Variants in AK5 observed in about 807,000 individuals in gnomAD.
The protein encoded by AK5 is adenylate kinase 5.
In AK5, 27 loss-of-function variants were observed where a neutral mutation model predicts 69.5. The observed-to-expected ratio is 0.39, with a 90% CI of 0.29 to 0.54. The LOEUF (loss-of-function observed/expected upper bound fraction) is 0.54, where lower values mean the gene tolerates loss of function less well. Among genes scored for constraint, AK5 ranks in the 20% least tolerant of loss-of-function variants. AK5 has a pLI of 0.71. For missense variants in AK5, 531 were observed against 700.4 expected, an observed-to-expected ratio of 0.76 and a Z score of 2.73; for synonymous variants, 260 against 244.4, an observed-to-expected ratio of 1.06 and a Z score of -0.60.
chr1:77,294,397 A>ACT (rs35836390), intron 3 of AK5, among the ~76,000 whole-genome samples: 125,709 of 151,830 alleles, frequency 0.83, 52,263 homozygotes, highest in South Asian at 0.9. Flanking sequence ...ACCTAGTGAG[A>ACT]CTATTTCTAG....
chr1:77,476,380 A>T (rs1654936519), intron 8 of AK5, among the ~76,000 whole-genome samples: 1 of 152,202 alleles, frequency 6.6e-6, no homozygotes, highest in South Asian at 2.1e-4. Flanking sequence ...CCCTGGTGAT[A>T]AAATGTACTT....
chr1:77,465,403 T>C, intron 8 of AK5, among the ~76,000 whole-genome samples: 1 of 152,232 alleles, frequency 6.6e-6, no homozygotes, highest in East Asian at 1.9e-4. Flanking sequence ...CTACAGTTTC[T>C]CTTGAGCTTA....
At chr1:77,367,923 ATATATTATATATAATATATATGT>A (rs1307526444) in intron 6 of AK5, among the ~76,000 whole-genome samples, 1,117 of 53,364 alleles carry the variant, frequency 0.021, 20 homozygotes, top group Non-Finnish European at 0.026. Flanking sequence ...TATATGTGAT[ATATATTATATATAATATATATGT>A]TATATATATA....
intron 3 of AK5, 146 bp from the exon 4 acceptor site, chr1:77,297,413 G>A (rs1659073706): frequency 8.0e-6 from 5 of 623,524 alleles, no homozygotes. Context: ...TACATTCAAA[G>A]GCAGCACTGA....
chr1:77,423,042 T>C (rs1040499804), intron 8 of AK5, among the ~76,000 whole-genome samples: 6 of 151,816 alleles, frequency 4.0e-5, no homozygotes, highest in African/African-American at 1.2e-4. Context: ...GGTGAAACCT[T>C]GTCTCTACTA....
intron 8 of AK5, among the ~76,000 whole-genome samples, chr1:77,439,212 A>G (rs1652154478): frequency 6.6e-6 from 1 of 152,214 alleles, no homozygotes; most frequent in South Asian, 2.1e-4. Context: ...CATTTGCTGT[A>G]GTAATCTATG....
rs1557626031 is a variant in AK5 at position 77,483,352 on chromosome 1, TA to T, written c.1096del (p.Met366TrpfsTer8). The T allele has an allele frequency of 6.2e-7, 1 of 1,612,506 alleles. No homozygotes were observed. The highest frequency in any genetic ancestry group is 8.5e-7 in the Non-Finnish European group (1 of 1,178,560). ...DQLNVFGEDT[M>X]GGFMEDLRKC... ...AGTTAAATGTATTTGGAGAGGACAC[TA>T]TGGGAGGTGAGTTTTCCTTACTGAT... On this transcript the variant is annotated frameshift_variant, in exon 9 of 14. Coordinates refer to ENST00000354567, the MANE Select transcript of AK5 (RefSeq NM_174858.3). LOFTEE classifies it high-confidence loss of function.
chr1:77,429,345 A>G (rs553062024), intron 8 of AK5, among the ~76,000 whole-genome samples: 4 of 152,250 alleles, frequency 2.6e-5, no homozygotes, highest in African/African-American at 9.6e-5. Context: ...CATTTCTCCA[A>G]TGGCCAGTGA....
chr1:77,351,684 C>T (rs1275047103), intron 6 of AK5, among the ~76,000 whole-genome samples: 1 of 152,088 alleles, frequency 6.6e-6, no homozygotes, highest in East Asian at 1.9e-4. Flanking sequence ...CCATAAACCC[C>T]CTCTCCCTCC....
chr1:77,295,009 C>T (rs567361592), intron 3 of AK5, among the ~76,000 whole-genome samples: 60 of 151,998 alleles, frequency 3.9e-4, no homozygotes, highest in Admixed American at 9.8e-4. Context: ...GACAGAGAGA[C>T]CTCATCTCAA....
Position 77,387,539 on chromosome 1 carries a change from C to T in AK5, c.892-23442C>T, listed in dbSNP as rs764284329. ...TTTTAGCTTACATTTAGAGCATCTT[C>T]GTGACATAAATACAATTCCCATTAG... On this transcript the variant is annotated intron_variant, in intron 6 of 13. Transcript: ENST00000354567. Among the ~76,000 whole-genome samples, 16 of 152,250 alleles carry T rather than the reference C, an allele frequency of 1.1e-4. No individual in the cohort carries two copies. In the Middle Eastern group the frequency reaches 0.01, roughly 97 times the overall value.
chr1:77,402,586 A>G lies in AK5; in HGVS notation c.892-8395A>G, dbSNP rs540449826. ...TTGCGATAGTTTGCTGAGAATGATG[A>G]TTTCCAGCTTCATCCATGTCCCTAC... On this transcript the variant is annotated intron_variant, in intron 6 of 13. Coordinates refer to ENST00000354567, the MANE Select transcript of AK5 (RefSeq NM_174858.3). 3.1e-3 allele frequency among the ~76,000 whole-genome samples: 464 copies of G among 151,340 alleles called. 3 individuals carry two copies. The highest frequency in any genetic ancestry group is 0.011 in the African/African-American group (443 of 41,294).
intron 8 of AK5, among the ~76,000 whole-genome samples, chr1:77,461,781 AAAAG>A (rs1202013590): frequency 6.6e-6 from 1 of 152,102 alleles, no homozygotes; most frequent in Non-Finnish European, 1.5e-5. Context: ...AAAAAAAAAA[AAAAG>A]AAAGAAATCT....
intron 6 of AK5, among the ~76,000 whole-genome samples, chr1:77,356,747 G>A (rs907159919): frequency 1.1e-4 from 17 of 152,142 alleles, no homozygotes; most frequent in African/African-American, 4.1e-4. Flanking sequence ...TTAGTGCTAT[G>A]GTAGCCATAT....
chr1:77,463,899 A>C (rs1447924082), intron 8 of AK5, among the ~76,000 whole-genome samples: 1 of 152,186 alleles, frequency 6.6e-6, no homozygotes, highest in East Asian at 1.9e-4. Context: ...TCAGGCTTAC[A>C]TGATAGGGGT....
intron 5 of AK5, among the ~76,000 whole-genome samples, chr1:77,312,407 G>A (rs1660010060): frequency 6.6e-6 from 1 of 152,098 alleles, no homozygotes. Flanking sequence ...TTGAGGTCAG[G>A]AGTTCAAGAC....
At chr1:77,319,214 G>A (rs1660398986) in intron 5 of AK5, among the ~76,000 whole-genome samples, 1 of 152,146 alleles carries the variant, frequency 6.6e-6, no homozygotes, top group South Asian at 2.1e-4. Flanking sequence ...AGAGCCAAGG[G>A]AATAAATTTC....
chr1:77,348,059 A>G (rs1662001341), intron 6 of AK5, among the ~76,000 whole-genome samples: 1 of 152,246 alleles, frequency 6.6e-6, no homozygotes, highest in Admixed American at 6.5e-5. Flanking sequence ...AGGTATTAAC[A>G]GGAAAAATAA....
chr1:77,542,322 CA>C (rs951970299), intron 13 of AK5, among the ~76,000 whole-genome samples: 1 of 149,522 alleles, frequency 6.7e-6, no homozygotes, highest in Admixed American at 6.7e-5. Flanking sequence ...GACTCGGTCT[CA>C]AAAAAAAAGA....
Sources: allele counts gnomAD v4.1 joint callset (sites outside exome capture counted in the v4.1 genomes callset), GRCh38; gene constraint gnomAD v4.1.1; transcripts MANE v1.5; gene names NCBI Gene and HGNC (gene_info 2026-07-23, HGNC 2026-07-21).